The following RALGAPA2 variants were observed in gnomAD, a reference collection of about 807,000 sequenced individuals.
The protein encoded by RALGAPA2 is ral GTPase-activating protein subunit alpha-2.
A neutral mutation model predicts 230.4 loss-of-function variants in RALGAPA2; 139 were observed. The ratio of observed to expected loss-of-function variants is 0.60; its 90% CI spans 0.53 to 0.69. RALGAPA2 has a LOEUF of 0.69. Ranked by LOEUF, RALGAPA2 falls within the 30% of genes least tolerant of loss-of-function variation. RALGAPA2 has a pLI of 0.00. For synonymous variants in RALGAPA2, 847 were observed against 837.8 expected (o/e 1.01, Z -0.19); for missense variants, 2,163 against 2,276.0 (o/e 0.95, Z 1.01).
rs1005956891 is a variant in RALGAPA2, at chr20:20,389,732, T to A, written c.*3557A>T. On this transcript the variant is annotated 3_prime_UTR_variant, in exon 40 of 40. Transcript: ENST00000202677. ...CTGCCATCAGTGGAGATGTGTGCTT[T>A]CTCGGTGTGGCTGCCTGGGCCGCGG... 2.6e-5 allele frequency: 4 copies of A among 152,022 alleles called. No homozygotes were observed. Among genetic ancestry groups the A allele is most frequent in the African/African-American group, 9.7e-5 (4 of 41,358 alleles). 9.4% of individuals were successfully genotyped at this position (152,022 alleles called of 1,614,324 possible).
chr20:20,648,070 C>G (rs527742953), intron 4 of RALGAPA2, among the ~76,000 whole-genome samples: 98 of 152,208 alleles, frequency 6.4e-4, no homozygotes, highest in Admixed American at 1.4e-3. Context: ...GCCCCAGATG[C>G]TAGAAACAAT....
At chr20:20,516,778 A>G (rs746386139) in intron 31 of RALGAPA2, among the ~76,000 whole-genome samples, 5 of 152,360 alleles carry the variant, frequency 3.3e-5, no homozygotes, top group Non-Finnish European at 5.9e-5. Flanking sequence ...TAGACCCAGA[A>G]GAGCAATAGC....
intron 1 of RALGAPA2, among the ~76,000 whole-genome samples, chr20:20,699,223 AT>A (rs1004585960): frequency 3.3e-5 from 5 of 152,182 alleles, no homozygotes; most frequent in African/African-American, 1.2e-4. Flanking sequence ...TTCAAAGGTG[AT>A]GTGTCTGTTT....
At chr20:20,613,651 C>T (rs2066042146) in intron 13 of RALGAPA2, among the ~76,000 whole-genome samples, 1 of 152,212 alleles carries the variant, frequency 6.6e-6, no homozygotes, top group Non-Finnish European at 1.5e-5. Flanking sequence ...CCATCTACTC[C>T]ACCACATTGG....
intron 10 of RALGAPA2, 100 bp downstream of exon 10, chr20:20,629,263 T>C: frequency 1.1e-6 from 1 of 926,646 alleles, no homozygotes; most frequent in Non-Finnish European, 1.7e-6. Context: ...TTCTATTTGT[T>C]GGCGTGTTAC....
intron 37 of RALGAPA2, among the ~76,000 whole-genome samples, chr20:20,448,793 T>C (rs905240201): frequency 1.3e-5 from 2 of 151,166 alleles, no homozygotes; most frequent in Admixed American, 6.6e-5. Flanking sequence ...TTACTCTCAG[T>C]GAAGAGAATG....
chr20:20,402,165 A>C (rs1040296725), intron 38 of RALGAPA2, among the ~76,000 whole-genome samples: 4 of 152,212 alleles, frequency 2.6e-5, no homozygotes, highest in Admixed American at 2.6e-4. Flanking sequence ...CCACCTGGTG[A>C]TGGAAAAACC....
intron 7 of RALGAPA2, among the ~76,000 whole-genome samples, chr20:20,639,430 C>G (rs1381164267): frequency 6.6e-6 from 1 of 152,186 alleles, no homozygotes; most frequent in Non-Finnish European, 1.5e-5. Flanking sequence ...GAGGAGATTG[C>G]TCCATGTGCT....
intron 35 of RALGAPA2, among the ~76,000 whole-genome samples, chr20:20,499,368 A>G (rs576920410): frequency 6.6e-6 from 1 of 152,202 alleles, no homozygotes; most frequent in South Asian, 2.1e-4. Flanking sequence ...ATAATTTAAA[A>G]AATATTTTAT....
chr20:20,540,522 T>G (rs1219234226), intron 24 of RALGAPA2, among the ~76,000 whole-genome samples: 2 of 152,198 alleles, frequency 1.3e-5, no homozygotes, highest in Non-Finnish European at 2.9e-5. Context: ...AACATAACAC[T>G]TTTTTCTTTA....
chr20:20,646,799 C>A (rs778316673), intron 4 of RALGAPA2, among the ~76,000 whole-genome samples: 3 of 151,826 alleles, frequency 2.0e-5, no homozygotes, highest in Non-Finnish European at 2.9e-5. Flanking sequence ...CCATAATGAA[C>A]AATATTAAAT....
chr20:20,512,047 G>C (rs2062720291), intron 32 of RALGAPA2, among the ~76,000 whole-genome samples: 1 of 152,024 alleles, frequency 6.6e-6, no homozygotes. Flanking sequence ...AAAAAGCCGG[G>C]CATGGTGGCA....
chr20:20,659,360 T>C (rs759502977), intron 3 of RALGAPA2, among the ~76,000 whole-genome samples: 4 of 152,336 alleles, frequency 2.6e-5, no homozygotes, highest in Non-Finnish European at 5.9e-5. Context: ...GAAGACAGAA[T>C]ATTTGCCTTG....
chr20:20,615,573 T>G (rs953639537), intron 13 of RALGAPA2, among the ~76,000 whole-genome samples: 1 of 152,172 alleles, frequency 6.6e-6, no homozygotes, highest in Non-Finnish European at 1.5e-5. Flanking sequence ...AAAAACGTAG[T>G]TTTAATGACA....
chr20:20,575,438 C>G (rs1361639810), intron 20 of RALGAPA2, among the ~76,000 whole-genome samples: 1 of 150,868 alleles, frequency 6.6e-6, no homozygotes, highest in Admixed American at 6.6e-5. Flanking sequence ...TCAAAAGACT[C>G]TCTTCCTGCT....
At chr20:20,657,069 T>A (rs1377244008) in intron 3 of RALGAPA2, among the ~76,000 whole-genome samples, 1 of 152,144 alleles carries the variant, frequency 6.6e-6, no homozygotes. Context: ...TGATAAAAAA[T>A]TAATGATAAT....
chr20:20,539,332 T>C (rs2063579000), intron 24 of RALGAPA2, among the ~76,000 whole-genome samples: 1 of 152,176 alleles, frequency 6.6e-6, no homozygotes, highest in African/African-American at 2.4e-5. Context: ...TCCTCTACAA[T>C]TTTAACCTCA....
chr20:20,527,364 T>G (rs1415248201), intron 27 of RALGAPA2, among the ~76,000 whole-genome samples: 1 of 152,206 alleles, frequency 6.6e-6, no homozygotes, highest in Non-Finnish European at 1.5e-5. Context: ...TCAGGGGCTC[T>G]TCACAGCCTT....
At chr20:20,663,364 A>G (rs1892755653) in intron 3 of RALGAPA2, among the ~76,000 whole-genome samples, 3 of 152,206 alleles carry the variant, frequency 2.0e-5, no homozygotes, top group African/African-American at 7.2e-5. Context: ...CTGAAACCAC[A>G]GATAGTACCA....
Sources: allele counts gnomAD v4.1 joint callset (sites outside exome capture counted in the v4.1 genomes callset), GRCh38; gene constraint gnomAD v4.1.1; transcripts MANE v1.5; gene names NCBI Gene and HGNC (gene_info 2026-07-23, HGNC 2026-07-21).